Variants in PCDHA8 observed in about 807,000 individuals in gnomAD.
PCDHA8 encodes protocadherin alpha 8, also known as protocadherin alpha-8.
PCDHA8 carries 53 observed loss-of-function variants against 61.8 expected under a neutral mutation model. That is an observed-to-expected ratio of 0.86 (90% CI 0.69 to 1.08). PCDHA8 has a LOEUF of 1.08. Ranked by LOEUF, PCDHA8 falls within the 50% of genes least tolerant of loss-of-function variation. The probability of loss-of-function intolerance (pLI) is 0.00; values close to 1 mark genes in which losing one functional copy is unlikely to be tolerated. For synonymous variants in PCDHA8, 618 were observed against 556.6 expected, an observed-to-expected ratio of 1.11 and a Z score of -1.55; for missense variants, 1,293 against 1,245.0, an observed-to-expected ratio of 1.04 and a Z score of -0.58.
chr5:140,989,665 T>C (rs2097353443), intron 3 of PCDHA8, among the ~76,000 whole-genome samples: 1 of 152,190 alleles, frequency 6.6e-6, no homozygotes, highest in Non-Finnish European at 1.5e-5. Context: ...TAAAAGAAAC[T>C]CTGCCCAGAT....
intron 1 of PCDHA8, chr5:140,868,979 C>A: frequency 6.7e-7 from 1 of 1,485,290 alleles, no homozygotes; most frequent in Non-Finnish European, 9.0e-7. Context: ...TCCATCATAC[C>A]GGATGCCACC....
chr5:140,997,785 A>G (rs537383326), intron 3 of PCDHA8, among the ~76,000 whole-genome samples: 2 of 152,218 alleles, frequency 1.3e-5, no homozygotes, highest in Admixed American at 1.3e-4. Flanking sequence ...GTATACCTAT[A>G]TTATAATTTA....
At chr5:140,986,852 A>G (rs889945842) in intron 3 of PCDHA8, among the ~76,000 whole-genome samples, 1 of 152,190 alleles carries the variant, frequency 6.6e-6, no homozygotes, top group Admixed American at 6.5e-5. Flanking sequence ...CAGCAACACC[A>G]ACAATACCCG....
In PCDHA8 at chr5:140,976,256, AAC is replaced by A. The variant is rs372931931; in HGVS notation, c.2395-2689_2395-2688del. On this transcript the variant is annotated intron_variant, in intron 1 of 3. Transcript: ENST00000531613. Reference sequence around the variant, plus strand: ...TGTCATTTCATGTAAATTTATTTAAAACACAGACTTTTGGCAAGGCACAGTGG... The same window carrying A: ...TGTCATTTCATGTAAATTTATTTAAAACAGACTTTTGGCAAGGCACAGTGG... Among the ~76,000 whole-genome samples the A allele has an allele frequency of 3.2e-3, 487 of 152,352 alleles. 7 individuals carry two copies. Among genetic ancestry groups the A allele is most frequent in the Middle Eastern group, 0.01 (3 of 294 alleles).
intron 1 of PCDHA8, chr5:140,968,662 C>CT (rs781816838): frequency 1.2e-6 from 2 of 1,614,158 alleles, no homozygotes; most frequent in South Asian, 2.2e-5. Context: ...ACCTGGACCT[C>CT]TTTAAGGTAG....
chr5:140,875,874 A>G (rs782173743), intron 1 of PCDHA8: 2 of 1,614,188 alleles, frequency 1.2e-6, no homozygotes, highest in East Asian at 4.5e-5. Context: ...CGGTGTTCAG[A>G]GAAAGGGAAC....
intron 1 of PCDHA8, among the ~76,000 whole-genome samples, chr5:140,952,114 A>G (rs246038): frequency 0.56 from 85,531 of 151,814 alleles, 24,721 homozygotes; most frequent in African/African-American, 0.69. Flanking sequence ...CGTGTGAGGG[A>G]TGGGCTCCCA....
At chr5:140,916,072 AC>A (rs1445012621) in intron 1 of PCDHA8, among the ~76,000 whole-genome samples, 4 of 152,054 alleles carry the variant, frequency 2.6e-5, no homozygotes, top group Non-Finnish European at 5.9e-5. Flanking sequence ...TGTGGCCAGT[AC>A]TACCACTGGT....
intron 1 of PCDHA8, chr5:140,859,925 A>T (rs1359267858): frequency 1.3e-5 from 2 of 152,068 alleles, no homozygotes; most frequent in African/African-American, 4.8e-5. Context: ...TAAGTAATAT[A>T]AAAAACTTAG....
intron 3 of PCDHA8, among the ~76,000 whole-genome samples, chr5:140,990,384 T>A (rs2097391380): frequency 6.6e-6 from 1 of 152,186 alleles, no homozygotes; most frequent in Non-Finnish European, 1.5e-5. Context: ...TTGTTGGTGA[T>A]GTTCCAAGAA....
chr5:140,911,420 C>T (rs1411930717), intron 1 of PCDHA8, among the ~76,000 whole-genome samples: 1 of 152,134 alleles, frequency 6.6e-6, no homozygotes, highest in Non-Finnish European at 1.5e-5. Context: ...ATGATAAGAA[C>T]TTGTGTCCAA....
At chr5:140,963,957 A>T (rs1585999636) in intron 1 of PCDHA8, among the ~76,000 whole-genome samples, 1 of 152,230 alleles carries the variant, frequency 6.6e-6, no homozygotes. Flanking sequence ...CACTGGCAGG[A>T]GTGTGACTGA....
intron 2 of PCDHA8, among the ~76,000 whole-genome samples, chr5:140,979,796 T>A (rs1322390860): frequency 3.3e-5 from 5 of 152,236 alleles, no homozygotes; most frequent in Non-Finnish European, 7.3e-5. Flanking sequence ...AAACAAATGA[T>A]CACAACTATC....
chr5:140,987,790 A>AT (rs1409478213), intron 3 of PCDHA8, among the ~76,000 whole-genome samples: 3 of 152,100 alleles, frequency 2.0e-5, no homozygotes, highest in Admixed American at 6.6e-5. Context: ...TATAGAGAAG[A>AT]TTTTTTTAAA....
chr5:140,941,111 G>T (rs1477407055), intron 1 of PCDHA8, among the ~76,000 whole-genome samples: 2 of 152,090 alleles, frequency 1.3e-5, no homozygotes, highest in Non-Finnish European at 2.9e-5. Context: ...TTACTGGAAA[G>T]ATTAGTCCTT....
At chr5:140,848,538 C>G in intron 1 of PCDHA8, 1 of 1,595,318 alleles carries the variant, frequency 6.3e-7, no homozygotes. Flanking sequence ...TCAGCCTCTA[C>G]TGCTCTCGCT....
At chr5:141,000,361 GTCTCTCTC>G (rs148596731) in intron 3 of PCDHA8, among the ~76,000 whole-genome samples, 2,007 of 26,308 alleles carry the variant, frequency 0.076, 129 homozygotes, top group East Asian at 0.15. Context: ...GTCTCTCTCT[GTCTCTCTC>G]TCTCTCTCTC....
chr5:140,866,320 C>T (rs1351694984), intron 1 of PCDHA8: 2 of 152,154 alleles, frequency 1.3e-5, no homozygotes, highest in African/African-American at 2.4e-5. Context: ...ATTTCAGGGA[C>T]CCTGAACTTG....
intron 1 of PCDHA8, chr5:140,882,203 TGA>T: frequency 6.5e-7 from 1 of 1,530,090 alleles, no homozygotes; most frequent in Non-Finnish European, 8.8e-7. Flanking sequence ...AATTGGGCCT[TGA>T]GAGACAGTTT....
Sources: gnomAD v4.1 joint callset for allele counts (sites outside exome capture counted in the v4.1 genomes callset) on GRCh38, gnomAD v4.1.1 for gene constraint, MANE v1.5 for transcripts, NCBI Gene and HGNC (gene_info 2026-07-23, HGNC 2026-07-21) for gene names.